The following ADGRL2 variants were observed in gnomAD, a reference collection of about 807,000 sequenced individuals.
ADGRL2 encodes the protein calcium-independent alpha-latrotoxin receptor 2.
Under a neutral mutation model 157.4 loss-of-function variants are expected in ADGRL2, and 44 were observed. That is an observed-to-expected ratio of 0.28 (90% CI 0.22 to 0.36). The LOEUF is 0.36. Ranked by LOEUF, ADGRL2 falls within the 10% of genes least tolerant of loss-of-function variation. The pLI is 1.00. For missense variants in ADGRL2, 1,510 were observed against 1,768.9 expected (o/e 0.85, Z 2.63); for synonymous variants, 585 against 624.7 (o/e 0.94, Z 0.95).
At position 81,543,329 on chromosome 1, in the gene ADGRL2, C is replaced by T. The variant is rs960010280; in HGVS notation, c.-247-37547C>T. Among the ~76,000 whole-genome samples the T allele has an allele frequency of 8.6e-5, 13 of 151,948 alleles. 1 individual carries two copies. Among genetic ancestry groups the T allele is most frequent in the African/African-American group, 3.2e-4 (13 of 41,262 alleles). ...AAAGTCCCAAGGGAGTTGTTCACCC[C>T]TTCCATCATGTGAGGACACAAGGAG... is the stretch of plus-strand genomic sequence containing the variant. On this transcript the variant is annotated intron_variant, in intron 2 of 24. Transcript: ENST00000370721.
chr1:81,747,288 CAT>C (rs1557616787), intron 1 of ADGRL2, among the ~76,000 whole-genome samples: 2 of 146,412 alleles, frequency 1.4e-5, no homozygotes, highest in Admixed American at 6.8e-5. Context: ...CATGTGCATA[CAT>C]GTGTATATAT....
chr1:81,459,971 G>A (rs1407133947), intron 2 of ADGRL2, among the ~76,000 whole-genome samples: 1 of 151,918 alleles, frequency 6.6e-6, no homozygotes, highest in Non-Finnish European at 1.5e-5. Flanking sequence ...CCAGCAGTTT[G>A]CAAGGGTTTC....
intron 2 of ADGRL2, among the ~76,000 whole-genome samples, chr1:81,892,364 TAAGAG>T (rs1331204932): frequency 1.3e-5 from 2 of 152,064 alleles, no homozygotes; most frequent in Non-Finnish European, 2.9e-5. Context: ...AAGTAATACT[TAAGAG>T]GAGCATTTAA....
At chr1:81,510,479 A>AAT (rs1260949777) in intron 2 of ADGRL2, among the ~76,000 whole-genome samples, 1 of 152,158 alleles carries the variant, frequency 6.6e-6, no homozygotes, top group Non-Finnish European at 1.5e-5. Context: ...TAGCACGTGA[A>AAT]ATATATATAT....
At chr1:81,495,179 C>T (rs921845850) in intron 2 of ADGRL2, among the ~76,000 whole-genome samples, 4 of 152,026 alleles carry the variant, frequency 2.6e-5, no homozygotes, top group Admixed American at 1.3e-4. Flanking sequence ...GTAATCATGG[C>T]GGATGTCATT....
At chr1:81,430,937 C>T (rs1230521294) in intron 1 of ADGRL2, among the ~76,000 whole-genome samples, 1 of 152,186 alleles carries the variant, frequency 6.6e-6, no homozygotes, top group African/African-American at 2.4e-5. Flanking sequence ...GAAAAAGAAG[C>T]ACTGTGCTCC....
chr1:81,650,675 A>G (rs1397156166), intron 3 of ADGRL2, among the ~76,000 whole-genome samples: 2 of 152,174 alleles, frequency 1.3e-5, no homozygotes, highest in South Asian at 2.1e-4. Flanking sequence ...AGTAGTAGCA[A>G]GATGTATTCA....
intron 2 of ADGRL2, among the ~76,000 whole-genome samples, chr1:81,793,170 T>C (rs2087430540): frequency 6.6e-6 from 1 of 152,090 alleles, no homozygotes; most frequent in Admixed American, 6.6e-5. Context: ...ATTCAATTGG[T>C]TTATTTTATA....
At chr1:81,611,107 C>A (rs2081532655) in intron 3 of ADGRL2, among the ~76,000 whole-genome samples, 1 of 152,168 alleles carries the variant, frequency 6.6e-6, no homozygotes, top group Non-Finnish European at 1.5e-5. Context: ...GCTATCCATG[C>A]CTTTCAGCAG....
intron 2 of ADGRL2, among the ~76,000 whole-genome samples, chr1:81,546,162 T>G (rs2148355907): frequency 6.6e-6 from 1 of 152,318 alleles, no homozygotes; most frequent in South Asian, 2.1e-4. Context: ...ACTCTAAAGC[T>G]TAAGATGCAA....
At position 81,427,311 on chromosome 1, in the gene ADGRL2, A is replaced by G. The variant is rs2077236082; in HGVS notation, c.-301-17725A>G. The G allele has an allele frequency of 5.5e-6, 4 of 724,612 alleles. No homozygotes were observed. The East Asian group carries it at 7.3e-5, about 13-fold the overall frequency. 44.9% of individuals were successfully genotyped at this position (724,612 alleles called of 1,614,324 possible). A position where few individuals can be genotyped will look rare whatever the true frequency, so the allele number is the denominator to read the frequency against. ...GGACTTAGAGGCGATGGTGGCAACT[A>G]TGACAGTCGTCCTGGTTATAGTAGT... On this transcript the variant is annotated intron_variant, in intron 1 of 24. Coordinates refer to the ADGRL2 transcript ENST00000370721.
At chr1:81,481,978 C>A (rs975630074) in intron 2 of ADGRL2, among the ~76,000 whole-genome samples, 2 of 152,184 alleles carry the variant, frequency 1.3e-5, no homozygotes, top group Non-Finnish European at 2.9e-5. Context: ...GTTTCTGACA[C>A]ATTGTGTCCA....
chr1:81,356,732 TCCCGAG>T (rs1663318261), intron 1 of ADGRL2, among the ~76,000 whole-genome samples: 1 of 151,628 alleles, frequency 6.6e-6, no homozygotes, highest in Admixed American at 6.6e-5. Flanking sequence ...GGTGGGTGGA[TCCCGAG>T]GTCAGGAGAT....
intron 1 of ADGRL2, among the ~76,000 whole-genome samples, chr1:81,420,590 C>T (rs952882548): frequency 6.6e-6 from 1 of 152,108 alleles, no homozygotes; most frequent in Non-Finnish European, 1.5e-5. Context: ...TTGTTTTGTC[C>T]TTCAAAGTTG....
At chr1:81,960,591 C>T (rs995798144) in intron 11 of ADGRL2, among the ~76,000 whole-genome samples, 2 of 152,130 alleles carry the variant, frequency 1.3e-5, no homozygotes, top group African/African-American at 2.4e-5. Flanking sequence ...TCTCCTACCT[C>T]GGCCTCCCGA....
Position 81,951,970 on chromosome 1 carries a change from A to C in ADGRL2, c.1622A>C (p.Glu541Ala), listed in dbSNP as rs779661718. The change falls in exon 9 of 24, where the codon GAA (glutamate) becomes GCA (alanine). Residue 541 changes from glutamate to alanine, a missense_variant. By Grantham distance (107) the Glu-to-Ala change is moderately radical (BLOSUM62 -1). Coordinates refer to ENST00000686636, the MANE Select transcript of ADGRL2 (RefSeq NM_001366006.2). The part of the protein sequence containing the change: ...NQLAQKIRSG[E>A]NAASLANELA... ...TTGTTTTTTCAGATCAGAAGCGGAG[A>C]AAATGCTGCTAGTCTTGCCAATGAA... 6.9e-6 allele frequency: 11 copies of C among 1,604,674 alleles called. No individual in the cohort carries two copies. The Middle Eastern group carries it at 1.3e-3, about 194-fold the overall frequency.
chr1:81,672,916 A>T (rs1470911372), intron 3 of ADGRL2, among the ~76,000 whole-genome samples: 1 of 152,250 alleles, frequency 6.6e-6, no homozygotes, highest in African/African-American at 2.4e-5. Flanking sequence ...GTGAAAGTTG[A>T]TTACACATTT....
chr1:81,622,146 G>C (rs1293030153), intron 3 of ADGRL2, among the ~76,000 whole-genome samples: 1 of 152,110 alleles, frequency 6.6e-6, no homozygotes, highest in Non-Finnish European at 1.5e-5. Context: ...ACTAATATGT[G>C]TTCACTGTAG....
intron 2 of ADGRL2, among the ~76,000 whole-genome samples, chr1:81,865,096 T>C (rs1174640276): frequency 6.6e-6 from 1 of 152,190 alleles, no homozygotes; most frequent in African/African-American, 2.4e-5. Context: ...TTTTCTCTAT[T>C]TACTATTTAA....
Sources: allele counts gnomAD v4.1 joint callset (sites outside exome capture counted in the v4.1 genomes callset), GRCh38; gene constraint gnomAD v4.1.1; transcripts MANE v1.5; gene names NCBI Gene and HGNC (gene_info 2026-07-23, HGNC 2026-07-21).